Variants in CCDC148 observed in about 807,000 individuals in gnomAD.
CCDC148 encodes the protein coiled-coil domain containing 148, also known as coiled-coil domain-containing protein 148.
In CCDC148, 89 loss-of-function variants were observed where a neutral mutation model predicts 85.7. The ratio of observed to expected loss-of-function variants is 1.04; its 90% CI spans 0.87 to 1.24. The LOEUF is 1.24. Among genes scored for constraint, CCDC148 ranks in the 50% most tolerant of loss-of-function variants. The probability of loss-of-function intolerance (pLI) is 0.00; values close to 1 mark genes in which losing one functional copy is unlikely to be tolerated. For synonymous variants in CCDC148, 230 were observed against 213.9 expected, an observed-to-expected ratio of 1.08 and a Z score of -0.66; for missense variants, 692 against 671.7, an observed-to-expected ratio of 1.03 and a Z score of -0.33.
intron 2 of CCDC148, among the ~76,000 whole-genome samples, chr2:158,349,555 T>C (rs1683159155): frequency 6.6e-6 from 1 of 151,886 alleles, no homozygotes; most frequent in Admixed American, 6.5e-5. Context: ...AAACTTTGAG[T>C]TGTATTTAAT....
chr2:158,194,120 C>G (rs1339699074), intron 11 of CCDC148, among the ~76,000 whole-genome samples: 1 of 151,984 alleles, frequency 6.6e-6, no homozygotes, highest in African/African-American at 2.4e-5. Context: ...AACATTTAAA[C>G]AGCATCATTC....
At chr2:158,400,899 C>T (rs1026626328) in intron 1 of CCDC148, among the ~76,000 whole-genome samples, 1 of 152,160 alleles carries the variant, frequency 6.6e-6, no homozygotes, top group African/African-American at 2.4e-5. Flanking sequence ...AGGATATGAA[C>T]AGACACTTCT....
rs367702761 is a variant in CCDC148 at position 158,334,491 on chromosome 2, G to T, written c.764+4235C>A. Among the ~76,000 whole-genome samples the T allele has an allele frequency of 2.3e-4, 15 of 65,966 alleles. 1 individual carries two copies. In the South Asian group the frequency reaches 2.4e-3, roughly 11 times the overall value. 43.3% of individuals were successfully genotyped at this position (65,966 alleles called of 152,430 possible). A position where few individuals can be genotyped will look rare whatever the true frequency, so the allele number is the denominator to read the frequency against. On this transcript the variant is annotated intron_variant, in intron 7 of 13. Transcript: ENST00000283233. ...ACTTCTCTGCGTAACAATTATGCTA[G>T]ATTTTTGAATGGCCTTCTCTACTTC...
rs111913777 is a variant in CCDC148, at chr2:158,328,153, T to C, written c.764+10573A>G. Among the ~76,000 whole-genome samples, 6 of 152,240 alleles carry C rather than the reference T, an allele frequency of 3.9e-5. No individual in the cohort carries two copies. In the East Asian group the frequency reaches 7.7e-4, roughly 20 times the overall value. ...TAACATTAGGTATATCACCTAATGC[T>C]ATCCCTCCCCTCCGCCCACCCCACA... On this transcript the variant is annotated intron_variant, in intron 7 of 13. Transcript: ENST00000283233.
chr2:158,338,594 T>G, intron 7 of CCDC148, 132 bp downstream of exon 7: 1 of 632,660 alleles, frequency 1.6e-6, no homozygotes, highest in East Asian at 3.1e-5. Context: ...CATCAAATAG[T>G]CAGTCTAAAC....
intron 1 of CCDC148, among the ~76,000 whole-genome samples, chr2:158,373,974 T>C (rs1489509308): frequency 6.6e-6 from 1 of 152,090 alleles, no homozygotes; most frequent in Non-Finnish European, 1.5e-5. Context: ...ACATATTTGC[T>C]GAAAGAGCAT....
chr2:158,192,415 G>A (rs1286125084), intron 11 of CCDC148, among the ~76,000 whole-genome samples: 1 of 152,018 alleles, frequency 6.6e-6, no homozygotes, highest in Non-Finnish European at 1.5e-5. Flanking sequence ...AAAGCAGCTG[G>A]GGAAGGGTAG....
At chr2:158,441,806 A>G (rs1687944004) in intron 1 of CCDC148, among the ~76,000 whole-genome samples, 1 of 152,184 alleles carries the variant, frequency 6.6e-6, no homozygotes, top group Non-Finnish European at 1.5e-5. Flanking sequence ...TAATATTAAT[A>G]TCTTCCATGT....
At chr2:158,203,650 A>G (rs1686082341) in intron 11 of CCDC148, among the ~76,000 whole-genome samples, 1 of 152,208 alleles carries the variant, frequency 6.6e-6, no homozygotes. Flanking sequence ...AGGAGGACCA[A>G]TGTGTACAAG....
intron 9 of CCDC148, among the ~76,000 whole-genome samples, chr2:158,275,625 T>C (rs969334000): frequency 1.1e-4 from 17 of 152,028 alleles, no homozygotes; most frequent in East Asian, 3.9e-4. Context: ...AGTTTTATCA[T>C]CAAAGTATAT....
intron 11 of CCDC148, among the ~76,000 whole-genome samples, chr2:158,180,262 G>A (rs909309414): frequency 2.6e-5 from 4 of 152,092 alleles, no homozygotes; most frequent in Non-Finnish European, 5.9e-5. Flanking sequence ...CCCTGCATCA[G>A]GTCTTGTGCT....
rs59856041 is a variant in CCDC148, at chr2:158,263,738, T to C, written c.1111-12826A>G. The stretch of plus-strand genomic sequence containing the variant: ...TTGGGCTGTGCTTAAAAATAAAATA[T>C]CTAGTACATTTACCTAACAAGGCAT... On this transcript the variant is annotated intron_variant, in intron 9 of 13. Transcript: ENST00000283233. Among the ~76,000 whole-genome samples the C allele has an allele frequency of 6.5e-3, 984 of 152,168 alleles. 13 individuals carry two copies. Among genetic ancestry groups the C allele is most frequent in the African/African-American group, 0.023 (935 of 41,554 alleles).
intron 3 of CCDC148, 150 bp from the exon 4 acceptor site, chr2:158,340,830 A>G (rs11898134): frequency 0.32 from 192,140 of 591,462 alleles, 32,673 homozygotes; most frequent in African/African-American, 0.42. Flanking sequence ...TTGAGTCTTT[A>G]CTAGACACTG....
At chr2:158,225,939 A>G (rs561528291) in intron 10 of CCDC148, among the ~76,000 whole-genome samples, 11 of 152,362 alleles carry the variant, frequency 7.2e-5, no homozygotes, top group African/African-American at 2.4e-4. Flanking sequence ...AGCAGAAGGC[A>G]AGAAATAACT....
intron 11 of CCDC148, among the ~76,000 whole-genome samples, chr2:158,210,190 C>T (rs536202262): frequency 6.6e-6 from 1 of 151,930 alleles, no homozygotes; most frequent in Non-Finnish European, 1.5e-5. Context: ...GACTTTAAAC[C>T]AACAAAGATC....
intron 10 of CCDC148, among the ~76,000 whole-genome samples, chr2:158,250,084 T>C (rs1403871844): frequency 6.6e-6 from 1 of 152,116 alleles, no homozygotes; most frequent in Non-Finnish European, 1.5e-5. Context: ...AATATTTTTA[T>C]GGCAAATTTC....
At chr2:158,346,796 GA>G (rs1335123184) in intron 2 of CCDC148, among the ~76,000 whole-genome samples, 4 of 152,074 alleles carry the variant, frequency 2.6e-5, no homozygotes, top group Admixed American at 1.3e-4. Context: ...TTCTAAAAAG[GA>G]ATCTTTATAA....
chr2:158,396,160 C>A (rs940652214), intron 1 of CCDC148, among the ~76,000 whole-genome samples: 2 of 152,072 alleles, frequency 1.3e-5, no homozygotes, highest in Non-Finnish European at 2.9e-5. Context: ...ATTATTTTAA[C>A]CCTCACAGTG....
At chr2:158,331,642 A>G (rs966389150) in intron 7 of CCDC148, among the ~76,000 whole-genome samples, 43 of 152,244 alleles carry the variant, frequency 2.8e-4, no homozygotes, top group African/African-American at 1.0e-3. Flanking sequence ...TGGGAGTCTA[A>G]GTCTCTTTGT....
Sources: gnomAD v4.1 joint callset for allele counts (sites outside exome capture counted in the v4.1 genomes callset) on GRCh38, gnomAD v4.1.1 for gene constraint, MANE v1.5 for transcripts, NCBI Gene and HGNC (gene_info 2026-07-23, HGNC 2026-07-21) for gene names.